SPATA21: variants seen among roughly 807,000 people sequenced by gnomAD.
SPATA21 encodes spermatogenesis associated 21.
A neutral mutation model predicts 54.8 loss-of-function variants in SPATA21; 47 were observed. The ratio of observed to expected loss-of-function variants is 0.86; its 90% CI spans 0.68 to 1.09. The LOEUF (loss-of-function observed/expected upper bound fraction) is 1.09, where lower values mean the gene tolerates loss of function less well. SPATA21 is among the 50% of genes least tolerant of loss of function. The pLI is 0.00. For synonymous variants in SPATA21, 245 were observed against 235.3 expected (o/e 1.04, Z -0.38); for missense variants, 599 against 596.4 (o/e 1.00, Z -0.05).
intron 5 of SPATA21, among the ~76,000 whole-genome samples, chr1:16,412,425 T>G (rs983784139): frequency 6.6e-6 from 1 of 151,716 alleles, no homozygotes; most frequent in African/African-American, 2.4e-5. Context: ...CTTTTCCAAC[T>G]TTTTTTTTCT....
At chr1:16,401,380 TA>T (rs1282513558) in intron 10 of SPATA21, among the ~76,000 whole-genome samples, 3 of 152,072 alleles carry the variant, frequency 2.0e-5, no homozygotes, top group Admixed American at 2.0e-4. Flanking sequence ...ACTACAGCCT[TA>T]AACTCCTGGG....
intron 3 of SPATA21, chr1:16,431,099 T>G: frequency 3.2e-6 from 3 of 942,740 alleles, no homozygotes; most frequent in Non-Finnish European, 4.6e-6. Context: ...TATTCTCTTT[T>G]CTGCTTAATC....
chr1:16,400,553 T>C (rs916995398), intron 11 of SPATA21, 167 bp downstream of exon 11: 6 of 1,427,128 alleles, frequency 4.2e-6, no homozygotes, highest in Admixed American at 2.7e-5. Context: ...GGATGGAAAA[T>C]AGTGATTATC....
At chr1:16,426,581 T>A (rs2994139) in intron 3 of SPATA21, among the ~76,000 whole-genome samples, 19,323 of 65,464 alleles carry the variant, frequency 0.3, 1,506 homozygotes, top group South Asian at 0.39. Context: ...ATATATATAT[T>A]TTTTTTTTTT....
rs150858645 is a variant in SPATA21, at chr1:16,404,025, C to T, written c.826G>A (p.Asp276Asn). Reference protein sequence around the residue: ...SADVNGDGRVDFKDFLAVMTD... With the variant: ...SADVNGDGRVNFKDFLAVMTD... ...ATCACAGCCAAGAAGTCTTTGAAGT[C>T]CACACGACCATCTCCTGTGGAGGCC... The change falls in exon 9 of 13, where the codon GAC becomes AAC. Residue 276 changes from aspartate to asparagine, a missense_variant. Transcript: ENST00000335496. 1.6e-5 allele frequency: 25 copies of T among 1,555,670 alleles called. No homozygotes were observed. The highest frequency in any genetic ancestry group is 1.9e-5 in the Non-Finnish European group (22 of 1,148,990).
chr1:16,405,077 T>C lies in SPATA21; in HGVS notation c.701A>G (p.Asn234Ser), dbSNP rs143787230. 1.3e-4 allele frequency: 202 copies of C among 1,609,352 alleles called. No homozygotes were observed. In the African/African-American group the frequency reaches 2.1e-3, roughly 17 times the overall value. Reference protein sequence around the residue: ...EAFRSYFEIFNGPGEVDAQSL... With the variant: ...EAFRSYFEIFSGPGEVDAQSL... The stretch of plus-strand genomic sequence containing the variant: ...CTGTGCATCCACCTCACCAGGACCA[T>C]TGAAGATCTCAAAGTAGCTGCGGAA... The change falls in exon 8 of 13, where the codon AAT (asparagine) becomes AGT (serine). Residue 234 changes from asparagine (N) to serine (S), a missense_variant. By Grantham distance (46) the Asn-to-Ser change is conservative. Transcript: ENST00000335496.
chr1:16,417,731 G>A (rs1221168079), intron 5 of SPATA21, among the ~76,000 whole-genome samples: 4 of 150,800 alleles, frequency 2.7e-5, no homozygotes, highest in Non-Finnish European at 5.9e-5. Context: ...CACCGTGCCC[G>A]GCCATTTTTT....
At chr1:16,426,579 A>ATATATATATATATATATATATT (rs1401259793) in intron 3 of SPATA21, among the ~76,000 whole-genome samples, 3 of 107,156 alleles carry the variant, frequency 2.8e-5, no homozygotes, top group East Asian at 3.4e-4. Context: ...ATATATATAT[A>ATATATATATATATATATATATT]TTTTTTTTTT....
intron 5 of SPATA21, among the ~76,000 whole-genome samples, chr1:16,417,900 C>T (rs2100847771): frequency 6.6e-6 from 1 of 152,320 alleles, no homozygotes; most frequent in East Asian, 1.9e-4. Flanking sequence ...CTCCCTGGCT[C>T]TGTCTGTATT....
At chr1:16,431,530 C>G (rs546063919) in intron 2 of SPATA21, 108 bp from the exon 3 acceptor site, 24 of 1,062,590 alleles carry the variant, frequency 2.3e-5, no homozygotes, top group Non-Finnish European at 2.9e-5. Flanking sequence ...AGGGAAGAGG[C>G]GGGGCCAGGC....
At chr1:16,431,116 G>T in intron 3 of SPATA21, 1 of 1,090,916 alleles carries the variant, frequency 9.2e-7, no homozygotes, top group South Asian at 1.7e-5. Context: ...AATCCAGTTT[G>T]AATTGGGTTT....
At chr1:16,408,993 G>A in intron 7 of SPATA21, 125 bp downstream of exon 7, 1 of 968,654 alleles carries the variant, frequency 1.0e-6, no homozygotes, top group Non-Finnish European at 1.6e-6. Context: ...AACCCCTGCT[G>A]GGTCTGCTAC....
chr1:16,416,877 G>A (rs1366373776), intron 5 of SPATA21, among the ~76,000 whole-genome samples: 1 of 152,108 alleles, frequency 6.6e-6, no homozygotes, highest in African/African-American at 2.4e-5. Context: ...CAGCAAGTGC[G>A]GCACACGCAG....
chr1:16,415,664 A>T (rs1016543421), intron 5 of SPATA21, among the ~76,000 whole-genome samples: 2 of 152,116 alleles, frequency 1.3e-5, no homozygotes, highest in Middle Eastern at 6.8e-3. Flanking sequence ...GGTTCACGCC[A>T]TTCTCCTGCC....
At chr1:16,434,410 G>A (rs2086536062) in intron 1 of SPATA21, among the ~76,000 whole-genome samples, 1 of 151,394 alleles carries the variant, frequency 6.6e-6, no homozygotes, top group Non-Finnish European at 1.5e-5. Context: ...CTCAGCCTCT[G>A]AGTGGCTGGC....
chr1:16,410,117 C>T, intron 5 of SPATA21, 74 bp from the exon 6 acceptor site: 1 of 1,261,050 alleles, frequency 7.9e-7, no homozygotes, highest in Non-Finnish European at 1.1e-6. Flanking sequence ...CCTGCCATCC[C>T]CTCTCCAGAG....
chr1:16,431,913 T>C (rs1036946814), intron 2 of SPATA21, among the ~76,000 whole-genome samples: 10 of 151,780 alleles, frequency 6.6e-5, no homozygotes, highest in African/African-American at 2.4e-4. Flanking sequence ...TTAAAGAGAG[T>C]CCAAGAATGT....
chr1:16,426,404 A>G (rs1325434734), intron 3 of SPATA21, among the ~76,000 whole-genome samples: 5 of 151,404 alleles, frequency 3.3e-5, no homozygotes, highest in Non-Finnish European at 7.4e-5. Context: ...GACTACAGGC[A>G]TATGCCACCA....
chr1:16,427,243 G>T (rs949358572), intron 3 of SPATA21, among the ~76,000 whole-genome samples: 1 of 152,100 alleles, frequency 6.6e-6, no homozygotes, highest in Non-Finnish European at 1.5e-5. Context: ...GGCATGGTAT[G>T]CAGTAGTTGT....
Sources: allele counts gnomAD v4.1 joint callset (sites outside exome capture counted in the v4.1 genomes callset), GRCh38; gene constraint gnomAD v4.1.1; transcripts MANE v1.5; gene names NCBI Gene and HGNC (gene_info 2026-07-23, HGNC 2026-07-21).